Variants in QSER1 observed in about 807,000 individuals in gnomAD.
The protein encoded by QSER1 is glutamine and serine-rich protein 1.
QSER1 carries 49 observed loss-of-function variants against 158.5 expected under a neutral mutation model. The ratio of observed to expected loss-of-function variants is 0.31; its 90% CI spans 0.25 to 0.39. QSER1 has a LOEUF of 0.39. QSER1 is among the 10% of genes least tolerant of loss of function. QSER1 has a pLI of 1.00. For synonymous variants in QSER1, 650 were observed against 715.5 expected, an observed-to-expected ratio of 0.91 and a Z score of 1.46; for missense variants, 1,754 against 2,010.3, an observed-to-expected ratio of 0.87 and a Z score of 2.44.
intron 11 of QSER1, among the ~76,000 whole-genome samples, 175 bp from the exon 12 acceptor site, chr11:32,975,073 A>G (rs561735866): frequency 6.6e-6 from 1 of 152,262 alleles, no homozygotes; most frequent in East Asian, 1.9e-4. Context: ...AGATTTTAAA[A>G]TATAATTTAA....
chr11:32,931,668 T>C, intron 3 of QSER1, 75 bp from the exon 4 acceptor site: 1 of 1,186,290 alleles, frequency 8.4e-7, no homozygotes. Flanking sequence ...TTGAGGGTTA[T>C]GTAAGTCATT....
At chr11:32,904,178 C>T (rs915267385) in intron 1 of QSER1, among the ~76,000 whole-genome samples, 2 of 151,102 alleles carry the variant, frequency 1.3e-5, no homozygotes, top group Admixed American at 1.3e-4. Context: ...CAATAGTAAG[C>T]ATTTCTTTTT....
rs1852104832 is a variant in QSER1 at position 32,934,360 on chromosome 11, T to C, written c.3102T>C (p.Ser1034=). Residue 1034 remains serine (S), a synonymous_variant, in exon 4 of 13, where the codon TCT becomes TCC. Coordinates refer to ENST00000650167, the MANE Select transcript of QSER1 (RefSeq NM_001076786.3). ...DVRHVTSDFN[S]MTATVGKPQN... is the part of the protein sequence containing the mutation. The stretch of plus-strand genomic sequence containing the variant: ...GGCATGTGACTTCAGATTTTAACTC[T>C]ATGACAGCTACAGTAGGAAAGCCAC... 1 of 1,613,776 alleles carries C rather than the reference T, an allele frequency of 6.2e-7. No individual in the cohort carries two copies. Among genetic ancestry groups the C allele is most frequent in the African/African-American group, 1.3e-5 (1 of 74,922 alleles).
intron 8 of QSER1, among the ~76,000 whole-genome samples, chr11:32,965,711 C>T (rs1295044190): frequency 6.6e-6 from 1 of 152,078 alleles, no homozygotes; most frequent in Non-Finnish European, 1.5e-5. Flanking sequence ...CTTTGGTAGG[C>T]TGAGGCAGGC....
At position 32,978,429 on chromosome 11, in the gene QSER1, A is replaced by G. The variant is rs550498745; in HGVS notation, c.*1955A>G. 6.6e-6 allele frequency: 1 copy of G among 152,320 alleles called. No homozygotes were observed. The highest frequency in any genetic ancestry group is 2.4e-5 in the African/African-American group (1 of 41,574). 9.4% of individuals were successfully genotyped at this position (152,320 alleles called of 1,614,324 possible). On this transcript the variant is annotated 3_prime_UTR_variant, in exon 13 of 13. Coordinates refer to ENST00000650167, the MANE Select transcript of QSER1 (RefSeq NM_001076786.3). ...TACATTTCCTAATGTGGCATTGTAAATATACATCTTTATATTACTCTTCCA... is the reference window on the plus strand; with the variant it reads ...TACATTTCCTAATGTGGCATTGTAAGTATACATCTTTATATTACTCTTCCA...
chr11:32,970,070 C>G (rs1205458811), intron 10 of QSER1, among the ~76,000 whole-genome samples: 2 of 152,158 alleles, frequency 1.3e-5, no homozygotes, highest in African/African-American at 4.8e-5. Context: ...ACTCCGTAGC[C>G]TTTCTTATTC....
chr11:32,939,181 T>C (rs1011328210), intron 4 of QSER1, among the ~76,000 whole-genome samples: 4 of 152,196 alleles, frequency 2.6e-5, no homozygotes, highest in African/African-American at 9.6e-5. Context: ...TCAAAGTGAC[T>C]GGTATGTTTT....
chr11:32,955,162 C>A, intron 5 of QSER1, 134 bp from the exon 6 acceptor site: 1 of 583,570 alleles, frequency 1.7e-6, no homozygotes, highest in Non-Finnish European at 3.0e-6. Flanking sequence ...AGAATTATTG[C>A]AGAATATCAG....
At chr11:32,972,655 C>T (rs1852889322) in intron 10 of QSER1, among the ~76,000 whole-genome samples, 2 of 151,992 alleles carry the variant, frequency 1.3e-5, no homozygotes, top group Admixed American at 6.6e-5. Context: ...AGGCTGGTCT[C>T]GAACTCCTGG....
chr11:32,971,214 C>T (rs1334792250), intron 10 of QSER1, among the ~76,000 whole-genome samples: 1 of 151,844 alleles, frequency 6.6e-6, no homozygotes, highest in African/African-American at 2.4e-5. Context: ...CATGCCCAGC[C>T]TTAGCAATTT....
At chr11:32,973,591 T>C in intron 11 of QSER1, 42 bp downstream of exon 11, 2 of 1,513,484 alleles carry the variant, frequency 1.3e-6, no homozygotes, top group Middle Eastern at 2.2e-4. Flanking sequence ...CCTTTTCCAA[T>C]TGTTAATACA....
chr11:32,897,267 AGTG>A (rs1045686307), intron 1 of QSER1, among the ~76,000 whole-genome samples: 3 of 152,226 alleles, frequency 2.0e-5, no homozygotes, highest in African/African-American at 4.8e-5. Context: ...GCTAGTAAAT[AGTG>A]GTGCTGTGAT....
Position 32,975,350 on chromosome 11 carries a change from T to G in QSER1, c.5454+7T>G, listed in dbSNP as rs760052488. ...TCTGATATGTAAGGATGAGGTAATT[T>G]CTTCTCATTTACTTAAAAAAAATGT... On this transcript the variant is annotated splice_region_variant and intron_variant, in intron 12 of 12. Coordinates refer to ENST00000650167, the MANE Select transcript of QSER1 (RefSeq NM_001076786.3). 1 of 1,602,622 alleles carries G rather than the reference T, an allele frequency of 6.2e-7. No homozygotes were observed. Among genetic ancestry groups the G allele is most frequent in the African/African-American group, 1.3e-5 (1 of 74,734 alleles).
At chr11:32,972,138 G>C (rs1344782535) in intron 10 of QSER1, among the ~76,000 whole-genome samples, 1 of 151,738 alleles carries the variant, frequency 6.6e-6, no homozygotes, top group Non-Finnish European at 1.5e-5. Context: ...GATGAGTTTG[G>C]AGAAGAGTGG....
At chr11:32,929,431 C>A (rs1852016809) in intron 3 of QSER1, among the ~76,000 whole-genome samples, 1 of 152,104 alleles carries the variant, frequency 6.6e-6, no homozygotes, top group African/African-American at 2.4e-5. Context: ...TGTATCTGAT[C>A]CCATAAGTGA....
intron 1 of QSER1, among the ~76,000 whole-genome samples, chr11:32,914,193 A>C (rs1851805332): frequency 6.6e-6 from 1 of 152,244 alleles, no homozygotes; most frequent in Admixed American, 6.5e-5. Flanking sequence ...TAAAGTAAAA[A>C]TATTTATCTT....
At chr11:32,943,734 T>G (rs1852281101) in intron 4 of QSER1, among the ~76,000 whole-genome samples, 1 of 152,042 alleles carries the variant, frequency 6.6e-6, no homozygotes, top group South Asian at 2.1e-4. Context: ...GGTATCAGAA[T>G]GATGCTGGCC....
chr11:32,946,770 T>C (rs1300100333), intron 4 of QSER1, among the ~76,000 whole-genome samples: 2 of 151,962 alleles, frequency 1.3e-5, no homozygotes, highest in Non-Finnish European at 2.9e-5. Context: ...AGTTCAAGCT[T>C]CCCGGCTGCT....
rs777789881 is a variant in QSER1, at chr11:32,933,968, A to G, written c.2710A>G (p.Ile904Val). The G allele has an allele frequency of 2.5e-6, 4 of 1,614,018 alleles. No individual in the cohort carries two copies. Among genetic ancestry groups the G allele is most frequent in the Non-Finnish European group, 3.4e-6 (4 of 1,179,972 alleles). Residue 904 changes from isoleucine (I) to valine (V), a missense_variant, in exon 4 of 13, where the codon ATT becomes GTT. By Grantham distance (29) the Ile-to-Val change is conservative. Around this residue, in one of 2 missense-constraint regions of QSER1, gnomAD observed 1,707 missense variants for 1,919.6 expected, o/e 0.89. Coordinates refer to ENST00000650167, the MANE Select transcript of QSER1 (RefSeq NM_001076786.3). Reference sequence around the variant, plus strand: ...CTTCCTTCAGATGGAAGGTCATGTTATTCAAAGCAATGGTGATCATTCTCA... The same window carrying G: ...CTTCCTTCAGATGGAAGGTCATGTTGTTCAAAGCAATGGTGATCATTCTCA... ...HPFLQMEGHVIQSNGDHSQQQ... is the reference protein window; with the variant it reads ...HPFLQMEGHVVQSNGDHSQQQ...
Sources: gnomAD v4.1 joint callset for allele counts (sites outside exome capture counted in the v4.1 genomes callset) on GRCh38, gnomAD v4.1.1 for gene constraint, gnomAD v4.1.1 regional missense constraint, MANE v1.5 for transcripts, NCBI Gene and HGNC (gene_info 2026-07-23, HGNC 2026-07-21) for gene names.